Variants in PUM1 observed in about 807,000 individuals in gnomAD.
PUM1 encodes pumilio RNA binding family member 1.
In PUM1, 13 loss-of-function variants were observed where a neutral mutation model predicts 131.8. The ratio of observed to expected loss-of-function variants is 0.10; its 90% CI spans 0.06 to 0.16. PUM1 has a LOEUF of 0.16. Among genes scored for constraint, PUM1 ranks in the 10% least tolerant of loss-of-function variants. The pLI is 1.00. For synonymous variants in PUM1, 509 were observed against 556.5 expected (o/e 0.91, Z 1.20); for missense variants, 961 against 1,512.4 (o/e 0.64, Z 6.05).
At chr1:30,984,222 T>C (rs1427224152) in intron 7 of PUM1, among the ~76,000 whole-genome samples, 1 of 152,220 alleles carries the variant, frequency 6.6e-6, no homozygotes, top group African/African-American at 2.4e-5. Context: ...AAATTATACA[T>C]CTACAGCAGA....
chr1:31,011,209 C>T (rs1399265032), intron 3 of PUM1, among the ~76,000 whole-genome samples: 2 of 118,336 alleles, frequency 1.7e-5, no homozygotes, highest in Non-Finnish European at 3.7e-5. Context: ...ACACACTGTG[C>T]TGTTTTAAGC....
chr1:30,979,540 G>A (rs1298957603), intron 9 of PUM1, among the ~76,000 whole-genome samples: 1 of 151,834 alleles, frequency 6.6e-6, no homozygotes, highest in Non-Finnish European at 1.5e-5. Flanking sequence ...CTCCAAGTAA[G>A]TTGTAATGAT....
chr1:31,054,851 T>C (rs922275200), intron 2 of PUM1, among the ~76,000 whole-genome samples: 2 of 152,170 alleles, frequency 1.3e-5, no homozygotes, highest in African/African-American at 2.4e-5. Context: ...AATGTGCCAC[T>C]TGGTTGCACA....
At chr1:30,952,002 T>C (rs1167408488) in intron 16 of PUM1, among the ~76,000 whole-genome samples, 2 of 152,202 alleles carry the variant, frequency 1.3e-5, no homozygotes, top group African/African-American at 4.8e-5. Context: ...GACACCAGTT[T>C]TCGAAACACA....
Position 31,028,788 on chromosome 1 carries a change from TCA to T in PUM1, c.432+6_432+7del. ...AGACCCACTTTTCTGACACACCAGT[TCA>T]CTTACCTCTCCCATCGCTCTTCCCT... On this transcript the variant is annotated splice_donor_region_variant and intron_variant, in intron 3 of 21. Transcript: ENST00000426105. 6.2e-7 allele frequency: 1 copy of T among 1,611,264 alleles called. No individual in the cohort carries two copies. Among genetic ancestry groups the T allele is most frequent in the Non-Finnish European group, 8.5e-7 (1 of 1,177,394 alleles).
chr1:30,989,433 A>C (rs189937769), intron 7 of PUM1, among the ~76,000 whole-genome samples: 1 of 151,988 alleles, frequency 6.6e-6, no homozygotes, highest in Non-Finnish European at 1.5e-5. Flanking sequence ...TTAGCCAGGC[A>C]CAGTGGTGGG....
At chr1:30,981,534 A>C in intron 7 of PUM1, 129 bp from the exon 8 acceptor site, 1 of 530,582 alleles carries the variant, frequency 1.9e-6, no homozygotes, top group South Asian at 2.9e-5. Context: ...ATGTTCTCAC[A>C]CTCTACTTCA....
At chr1:31,023,060 G>C (rs1045600037) in intron 3 of PUM1, among the ~76,000 whole-genome samples, 6 of 151,954 alleles carry the variant, frequency 3.9e-5, no homozygotes, top group African/African-American at 1.5e-4. Context: ...TGTAGTCCCA[G>C]CTACTTGGGA....
At chr1:30,984,966 G>A (rs1364593449) in intron 7 of PUM1, among the ~76,000 whole-genome samples, 1 of 151,968 alleles carries the variant, frequency 6.6e-6, no homozygotes, top group Non-Finnish European at 1.5e-5. Flanking sequence ...TGCCAGCCCT[G>A]ACTTTTTTAC....
chr1:30,941,961 C>G (rs1438654925), intron 19 of PUM1, 37 bp downstream of exon 19: 1 of 1,509,140 alleles, frequency 6.6e-7, no homozygotes, highest in Non-Finnish European at 9.0e-7. Flanking sequence ...CACAAGCCCA[C>G]AGGTGTTCGC....
chr1:31,044,902 C>T (rs1157125314), intron 2 of PUM1, among the ~76,000 whole-genome samples: 7 of 152,136 alleles, frequency 4.6e-5, no homozygotes, highest in Non-Finnish European at 7.4e-5. Flanking sequence ...CTCCGCCTCC[C>T]GGATTCAAAC....
intron 9 of PUM1, among the ~76,000 whole-genome samples, chr1:30,979,338 G>A (rs1317612427): frequency 1.3e-5 from 2 of 152,172 alleles, no homozygotes; most frequent in African/African-American, 4.8e-5. Flanking sequence ...CTGCTACAAT[G>A]TATGGTGTTA....
intron 5 of PUM1, 54 bp downstream of exon 5, chr1:31,005,792 AGAGAGAG>A: frequency 7.5e-4 from 26 of 34,608 alleles, no homozygotes; most frequent in South Asian, 4.4e-3. Flanking sequence ...GGGGAAAAAA[AGAGAGAG>A]AGAGAGAGAG....
chr1:31,044,194 G>A (rs1399418517), intron 2 of PUM1, among the ~76,000 whole-genome samples: 1 of 152,096 alleles, frequency 6.6e-6, no homozygotes, highest in Non-Finnish European at 1.5e-5. Flanking sequence ...GAGGTCAGGA[G>A]ATCGAGACCA....
intron 5 of PUM1, among the ~76,000 whole-genome samples, chr1:31,002,567 C>T (rs1241254062): frequency 6.6e-6 from 1 of 152,006 alleles, no homozygotes; most frequent in Non-Finnish European, 1.5e-5. Flanking sequence ...ACCCATGGGC[C>T]TCAAAAATAA....
intron 11 of PUM1, among the ~76,000 whole-genome samples, chr1:30,967,536 A>ATC (rs1175049890): frequency 6.6e-6 from 1 of 152,212 alleles, no homozygotes; most frequent in East Asian, 1.9e-4. Context: ...ATCCTGCAAA[A>ATC]TAGCAGGAAA....
intron 3 of PUM1, among the ~76,000 whole-genome samples, chr1:31,019,979 T>C (rs964082720): frequency 1.3e-5 from 2 of 152,174 alleles, no homozygotes; most frequent in Non-Finnish European, 2.9e-5. Context: ...TGTGTGATGC[T>C]GAGATTTGGG....
chr1:30,944,403 AAAACAAACAAAC>A (rs987601561), intron 18 of PUM1, among the ~76,000 whole-genome samples: 1 of 152,182 alleles, frequency 6.6e-6, no homozygotes, highest in Non-Finnish European at 1.5e-5. Context: ...GGAAAAAAAC[AAAACAAACAAAC>A]AAACAAAAAA....
At position 31,052,406 on chromosome 1, in the gene PUM1, A is replaced by AT. The variant is rs79269184; in HGVS notation, c.363+6797dup. Among the ~76,000 whole-genome samples, 1,115 of 146,250 alleles carry AT rather than the reference A, an allele frequency of 7.6e-3. 8 individuals are homozygous for AT. The highest frequency in any genetic ancestry group is 0.012 in the Non-Finnish European group (824 of 66,202). Reference sequence around the variant, plus strand: ...TTGTTTTTTAAATTTCCTTTTTTTCATTTTTTTTTTCTTTTCAAAGAGACA... The same window carrying AT: ...TTGTTTTTTAAATTTCCTTTTTTTCATTTTTTTTTTTCTTTTCAAAGAGACA... On this transcript the variant is annotated intron_variant, in intron 2 of 21. Coordinates refer to ENST00000426105, the MANE Select transcript of PUM1 (RefSeq NM_001020658.2).
Sources: gnomAD v4.1 joint callset for allele counts (sites outside exome capture counted in the v4.1 genomes callset) on GRCh38, gnomAD v4.1.1 for gene constraint, MANE v1.5 for transcripts, NCBI Gene and HGNC (gene_info 2026-07-23, HGNC 2026-07-21) for gene names.